Variants in BMPER observed in about 807,000 individuals in gnomAD.
BMPER encodes BMP-binding endothelial regulator protein.
In BMPER, 45 loss-of-function variants were observed where a neutral mutation model predicts 87.3. The observed-to-expected ratio is 0.52, with a 90% CI of 0.41 to 0.66. BMPER has a LOEUF of 0.66. BMPER is among the 30% of genes least tolerant of loss of function. BMPER has a pLI of 0.00. For missense variants in BMPER, 784 were observed against 867.5 expected, an observed-to-expected ratio of 0.90 and a Z score of 1.21; for synonymous variants, 326 against 316.2, an observed-to-expected ratio of 1.03 and a Z score of -0.33.
chr7:33,987,808 C>G (rs1191177141), intron 6 of BMPER, among the ~76,000 whole-genome samples: 2 of 152,056 alleles, frequency 1.3e-5, no homozygotes, highest in East Asian at 3.8e-4. Context: ...AAACCTCTGA[C>G]TATTGCTAGA....
intron 11 of BMPER, among the ~76,000 whole-genome samples, chr7:34,073,973 C>G (rs1324442825): frequency 1.3e-5 from 2 of 152,204 alleles, no homozygotes; most frequent in African/African-American, 4.8e-5. Flanking sequence ...CAGCACTGGG[C>G]TCCATGGCAG....
intron 2 of BMPER, among the ~76,000 whole-genome samples, chr7:33,910,996 G>A (rs773213714): frequency 9.2e-5 from 14 of 152,216 alleles, no homozygotes; most frequent in Admixed American, 2.0e-4. Context: ...GTGTATGCAC[G>A]TGTGAAACAG....
At position 33,937,283 on chromosome 7, in the gene BMPER, G is replaced by A. The variant is rs1432453774; in HGVS notation, c.220-6G>A. The A allele has an allele frequency of 1.2e-6, 2 of 1,612,998 alleles. No homozygotes were observed. Among genetic ancestry groups the A allele is most frequent in the East Asian group, 2.2e-5 (1 of 44,872 alleles). ...TTTCAAATCTCTCGTGTCTCTTTTT[G>A]TCTAGAACAAGGAAGTGACATGTAA... On this transcript the variant is annotated splice_region_variant and splice_polypyrimidine_tract_variant and intron_variant, in intron 2 of 14. Transcript: ENST00000649409.
At chr7:34,121,387 G>T (rs1159968841) in intron 13 of BMPER, among the ~76,000 whole-genome samples, 1 of 152,008 alleles carries the variant, frequency 6.6e-6, no homozygotes, top group Non-Finnish European at 1.5e-5. Flanking sequence ...TCAATATTTT[G>T]GTTTCCTTAT....
intron 6 of BMPER, among the ~76,000 whole-genome samples, chr7:33,992,057 T>C (rs998425011): frequency 6.6e-6 from 1 of 151,976 alleles, no homozygotes; most frequent in Non-Finnish European, 1.5e-5. Flanking sequence ...AATTTTGGAA[T>C]AGGTGTGGTG....
At chr7:34,129,594 G>GAGAGAGAA (rs1562761900) in intron 13 of BMPER, among the ~76,000 whole-genome samples, 129 of 112,560 alleles carry the variant, frequency 1.1e-3, no homozygotes, top group Non-Finnish European at 7.9e-4. Context: ...GAGAGAGAGA[G>GAGAGAGAA]AGAGAGAGAG....
chr7:33,921,131 T>G (rs904737708), intron 2 of BMPER, among the ~76,000 whole-genome samples: 2 of 152,230 alleles, frequency 1.3e-5, no homozygotes, highest in Non-Finnish European at 2.9e-5. Context: ...AGATTTTTAT[T>G]GATTAGTTAC....
intron 7 of BMPER, among the ~76,000 whole-genome samples, chr7:34,049,529 A>T (rs555812759): frequency 1.1e-3 from 162 of 152,342 alleles, no homozygotes; most frequent in Non-Finnish European, 2.5e-4. Context: ...GAATGCAGAA[A>T]GGGGTCATTA....
At chr7:34,031,927 T>TATATATATATATAC (rs767536977) in intron 6 of BMPER, among the ~76,000 whole-genome samples, 1 of 55,474 alleles carries the variant, frequency 1.8e-5, no homozygotes, top group Non-Finnish European at 3.4e-5. Flanking sequence ...TATATATATA[T>TATATATATATATAC]ACACACACAC....
At chr7:34,020,934 A>G (rs1310306088) in intron 6 of BMPER, among the ~76,000 whole-genome samples, 1 of 151,806 alleles carries the variant, frequency 6.6e-6, no homozygotes, top group African/African-American at 2.4e-5. Flanking sequence ...GTGTGTGTGT[A>G]TAAAGAGAGA....
intron 1 of BMPER, 42 bp downstream of exon 1, chr7:33,905,788 GTTTGGTACCTGGGAAA>G: frequency 7.8e-7 from 1 of 1,280,626 alleles, no homozygotes; most frequent in Non-Finnish European, 1.1e-6. Context: ...CGGGACGCCG[GTTTGGTACCTGGGAAA>G]GGTGGCGCTG....
chr7:34,153,051 C>G (rs972434724), intron 14 of BMPER, 41 bp from the exon 15 acceptor site: 1 of 1,610,396 alleles, frequency 6.2e-7, no homozygotes, highest in Admixed American at 1.7e-5. Context: ...ATTAATGGGG[C>G]CTTTCTCCAT....
intron 6 of BMPER, among the ~76,000 whole-genome samples, chr7:34,027,357 T>C (rs1787384854): frequency 6.6e-6 from 1 of 152,126 alleles, no homozygotes; most frequent in Non-Finnish European, 1.5e-5. Context: ...CTAGTTGTCA[T>C]TTGTTATTCA....
intron 6 of BMPER, among the ~76,000 whole-genome samples, chr7:34,002,319 A>G (rs759295849): frequency 2.6e-5 from 4 of 151,756 alleles, no homozygotes; most frequent in Non-Finnish European, 5.9e-5. Context: ...GTTACATGAG[A>G]TATTTAATAT....
intron 5 of BMPER, among the ~76,000 whole-genome samples, chr7:33,971,284 G>A (rs1166045811): frequency 6.6e-6 from 1 of 152,046 alleles, no homozygotes; most frequent in African/African-American, 2.4e-5. Flanking sequence ...CCATTCTCAG[G>A]CACCTGTCAC....
intron 12 of BMPER, among the ~76,000 whole-genome samples, chr7:34,082,905 A>G (rs146375156): frequency 6.6e-6 from 1 of 152,320 alleles, no homozygotes; most frequent in African/African-American, 2.4e-5. Flanking sequence ...CTTCAGAATT[A>G]TGCTGTAAAA....
chr7:34,060,320 T>C (rs1269468147), intron 10 of BMPER, among the ~76,000 whole-genome samples: 4 of 151,940 alleles, frequency 2.6e-5, no homozygotes, highest in Non-Finnish European at 5.9e-5. Context: ...CTCTGCTGCA[T>C]TGGGATAAAG....
At chr7:34,028,557 A>G (rs1201107346) in intron 6 of BMPER, among the ~76,000 whole-genome samples, 1 of 146,428 alleles carries the variant, frequency 6.8e-6, no homozygotes, top group Admixed American at 6.9e-5. Context: ...GGCATCAACT[A>G]AGAATTCATA....
chr7:34,111,345 G>T (rs575864672), intron 13 of BMPER, among the ~76,000 whole-genome samples: 1 of 152,272 alleles, frequency 6.6e-6, no homozygotes, highest in African/African-American at 2.4e-5. Context: ...AATTTAATTG[G>T]TTCCCCAGTT....
Sources: gnomAD v4.1 joint callset for allele counts (sites outside exome capture counted in the v4.1 genomes callset) on GRCh38, gnomAD v4.1.1 for gene constraint, MANE v1.5 for transcripts, NCBI Gene and HGNC (gene_info 2026-07-23, HGNC 2026-07-21) for gene names.